Variants in TSBP1 observed in about 807,000 individuals in gnomAD.
TSBP1 encodes testis-expressed basic protein 1.
A neutral mutation model predicts 68.8 loss-of-function variants in TSBP1; 56 were observed. The observed-to-expected ratio is 0.81, with a 90% CI of 0.66 to 1.02. The LOEUF is 1.02. Ranked by LOEUF, TSBP1 falls within the 50% of genes least tolerant of loss-of-function variation. The pLI, the probability that TSBP1 is intolerant of heterozygous loss-of-function variation, is 0.00. For missense variants in TSBP1, 502 were observed against 641.2 expected (o/e 0.78, Z 2.34); for synonymous variants, 171 against 208.7 (o/e 0.82, Z 1.56).
rs1378591894 is a variant in TSBP1 at position 32,338,879 on chromosome 6, T to C, written c.409+100A>G. On this transcript the variant is annotated intron_variant, in intron 11 of 22. Transcript: ENST00000612031. The surrounding 1 kb of genome is among the most constrained non-coding windows in gnomAD (Gnocchi z 5.5). ...CAAGGGGAAAGGAATGGACAATTTG[T>C]GAAAGAAATAAAAAAATCTAGGAAT... 10 of 923,858 alleles carry C rather than the reference T, an allele frequency of 1.1e-5. 1 individual carries two copies. Among genetic ancestry groups the C allele is most frequent in the Non-Finnish European group, 1.6e-5 (9 of 568,198 alleles). The allele number at this position is 923,858 out of a possible 1,614,324, so 57.2% of individuals were successfully genotyped here.
At chr6:32,339,036 C>A (rs377709522) in intron 10 of TSBP1, 37 bp from the exon 12 acceptor site, 1 of 1,584,648 alleles carries the variant, frequency 6.3e-7, no homozygotes, top group African/African-American at 1.3e-5. Context: ...TTGAAGAGAG[C>A]ATGACTCAAG....
chr6:32,340,968 G>T lies in TSBP1; in HGVS notation c.350-1330C>A, dbSNP rs1232623027. Among the ~76,000 whole-genome samples, 12 of 152,018 alleles carry T rather than the reference G, an allele frequency of 7.9e-5. No individual in the cohort carries two copies. The highest frequency in any genetic ancestry group is 1.5e-5 in the Non-Finnish European group (1 of 67,982). ...GTGCCACCACGCCCAGCTAATTTTT[G>T]TATTTTTAGTAGAGATGGGGTTTCG... On this transcript the variant is annotated intron_variant, in intron 9 of 22. Coordinates refer to ENST00000612031, the Ensembl canonical transcript of TSBP1. The surrounding 1 kb of genome is among the most constrained non-coding windows in gnomAD (Gnocchi z 4.8).
At chr6:32,371,837 T>C (rs890971806) in exon 1 of TSBP1, 6 of 946,436 alleles carry the variant, frequency 6.3e-6, no homozygotes, top group Middle Eastern at 2.1e-4. Flanking sequence ...GAGGCCCTTG[T>C]AGGCAGAGAT....
intron 6 of TSBP1, among the ~76,000 whole-genome samples, chr6:32,359,764 GT>G (rs991779051): frequency 6.6e-6 from 1 of 151,980 alleles, no homozygotes; most frequent in African/African-American, 2.4e-5. Flanking sequence ...TTCTTCTAGG[GT>G]TTTTATGGTT....
At chr6:32,342,471 T>C (rs1250724754) in intron 9 of TSBP1, among the ~76,000 whole-genome samples, 1 of 152,178 alleles carries the variant, frequency 6.6e-6, no homozygotes, top group Non-Finnish European at 1.5e-5. Context: ...TGTTCTTTTA[T>C]TTGATTAATT....
chr6:32,364,347 C>T (rs1437658652), intron 6 of TSBP1, among the ~76,000 whole-genome samples: 1 of 151,006 alleles, frequency 6.6e-6, no homozygotes. Flanking sequence ...TCCAATAATG[C>T]AAAAAGTTAG....
rs145719947 is a variant in TSBP1, at chr6:32,314,961, C to A, written c.580+811G>T. On this transcript the variant is annotated intron_variant, in intron 19 of 22. Coordinates refer to ENST00000612031, the Ensembl canonical transcript of TSBP1. The surrounding 1 kb of genome is among the most constrained non-coding windows in gnomAD (Gnocchi z 4.2). ...TTTAACACAGTTCCCAGGAGACTCA[C>A]CTCAACTCGCTCATTTACTGACCTG... Among the ~76,000 whole-genome samples, 7 of 152,302 alleles carry A rather than the reference C, an allele frequency of 4.6e-5. No individual in the cohort carries two copies. Among genetic ancestry groups the A allele is most frequent in the African/African-American group, 1.7e-4 (7 of 41,560 alleles).
At position 32,302,227 on chromosome 6, in the gene TSBP1, G is replaced by A. The variant is rs551654113; in HGVS notation, c.601+382C>T. Reference sequence around the variant, plus strand: ...CAGCACTTTAGGAGGCTAAGGCAAGGGGATCGTTTGAGGCCAGGACTTTGA... The same window carrying A: ...CAGCACTTTAGGAGGCTAAGGCAAGAGGATCGTTTGAGGCCAGGACTTTGA... On this transcript the variant is annotated intron_variant, in intron 20 of 22. Transcript: ENST00000612031. This position sits in a 1 kb window ranked among gnomAD's most constrained non-coding sequence, Gnocchi z 5.1. Among the ~76,000 whole-genome samples the A allele has an allele frequency of 7.2e-5, 11 of 152,076 alleles. No homozygotes were observed. The East Asian group carries it at 2.1e-3, about 29-fold the overall frequency.
rs372499977 is a variant in TSBP1, at chr6:32,321,251, T to G, written c.559+1866A>C. On this transcript the variant is annotated intron_variant, in intron 18 of 22. Coordinates refer to ENST00000612031, the Ensembl canonical transcript of TSBP1. This position sits in a 1 kb window ranked among gnomAD's most constrained non-coding sequence, Gnocchi z 4.3. Reference sequence around the variant, plus strand: ...TTAGCTATCCAAAAAGCAGGTGGTATAATCCCTAGTTACTTTTGCGTGCTT... The same window carrying G: ...TTAGCTATCCAAAAAGCAGGTGGTAGAATCCCTAGTTACTTTTGCGTGCTT... Among the ~76,000 whole-genome samples, 40 of 152,270 alleles carry G rather than the reference T, an allele frequency of 2.6e-4. No individual in the cohort carries two copies. Among genetic ancestry groups the G allele is most frequent in the African/African-American group, 8.4e-4 (35 of 41,566 alleles).
intron 17 of TSBP1, 116 bp downstream of exon 18, chr6:32,323,475 G>T: frequency 1.0e-6 from 1 of 956,030 alleles, no homozygotes; most frequent in South Asian, 1.4e-5. Context: ...TGGAAGCTTT[G>T]AGTCAGGTAG....
At chr6:32,358,656 C>T (rs1429695561) in intron 6 of TSBP1, among the ~76,000 whole-genome samples, 1 of 151,916 alleles carries the variant, frequency 6.6e-6, no homozygotes, top group Non-Finnish European at 1.5e-5. Context: ...TGAGTGAGAA[C>T]ATGAGGTGTT....
rs1033497 is a variant in TSBP1, at chr6:32,340,285, A to G, written c.350-647T>C. On this transcript the variant is annotated intron_variant, in intron 9 of 22. Coordinates refer to ENST00000612031, the Ensembl canonical transcript of TSBP1. The surrounding 1 kb of genome is among the most constrained non-coding windows in gnomAD (Gnocchi z 4.8). Reference sequence around the variant, plus strand: ...AAATTTTGCAATTTTTTTTCTTAAAATAATTGAATAATTTGTTTCCTTCTT... The same window carrying G: ...AAATTTTGCAATTTTTTTTCTTAAAGTAATTGAATAATTTGTTTCCTTCTT... Among the ~76,000 whole-genome samples the G allele has an allele frequency of 0.34, 51,160 of 152,068 alleles. 9,666 individuals carry two copies. Among genetic ancestry groups the G allele is most frequent in the Middle Eastern group, 0.52 (153 of 294 alleles).
rs1047395228 is a variant in TSBP1 at position 32,326,022 on chromosome 6, G to A, written c.515-2408C>T. 15 of 1,532,160 alleles carry A rather than the reference G, an allele frequency of 9.8e-6. No individual in the cohort carries two copies. The African/African-American group carries it at 1.9e-4, about 19-fold the overall frequency. 94.9% of individuals were successfully genotyped at this position (1,532,160 alleles called of 1,614,324 possible). ...ATGATTTTGGCAATTACAACAATCA[G>A]TCTTCAAATTTTGGACCCATGAAGG... On this transcript the variant is annotated intron_variant, in intron 16 of 22. Coordinates refer to ENST00000612031, the Ensembl canonical transcript of TSBP1.
Position 32,314,154 on chromosome 6 carries a change from CCTT to C in TSBP1, c.580+1615_580+1617del, listed in dbSNP as rs1368060399. On this transcript the variant is annotated intron_variant, in intron 19 of 22. Coordinates refer to ENST00000612031, the Ensembl canonical transcript of TSBP1. The surrounding 1 kb of genome is among the most constrained non-coding windows in gnomAD (Gnocchi z 4.2). Reference sequence around the variant, plus strand: ...GCTCCTTGGAAATCACTCTTACCCTCCTTCTTTATGCTTAGGTATGACTGTGCA... The same window carrying C: ...GCTCCTTGGAAATCACTCTTACCCTCCTTTATGCTTAGGTATGACTGTGCA... Among the ~76,000 whole-genome samples, 1 of 152,184 alleles carries C rather than the reference CCTT, an allele frequency of 6.6e-6. No homozygotes were observed. Among genetic ancestry groups the C allele is most frequent in the Non-Finnish European group, 1.5e-5 (1 of 68,032 alleles).
chr6:32,337,905 G>A lies in TSBP1; in HGVS notation c.409+1074C>T, dbSNP rs1381072969. 6.6e-6 allele frequency among the ~76,000 whole-genome samples: 1 copy of A among 152,058 alleles called. No individual in the cohort carries two copies. Among genetic ancestry groups the A allele is most frequent in the Non-Finnish European group, 1.5e-5 (1 of 68,036 alleles). On this transcript the variant is annotated intron_variant, in intron 11 of 22. Transcript: ENST00000612031. The surrounding 1 kb of genome is among the most constrained non-coding windows in gnomAD (Gnocchi z 5.5). ...ACTCCAAGAGGAGTAGACACAGGATGTGATATACCATGAGCTTTAATTATC... is the reference window on the plus strand; with the variant it reads ...ACTCCAAGAGGAGTAGACACAGGATATGATATACCATGAGCTTTAATTATC...
At chr6:32,358,177 A>G (rs1379268648) in intron 6 of TSBP1, among the ~76,000 whole-genome samples, 1 of 152,138 alleles carries the variant, frequency 6.6e-6, no homozygotes, top group Non-Finnish European at 1.5e-5. Flanking sequence ...CTCCCTTCTT[A>G]TAGTGTGTAG....
At chr6:32,368,250 T>C (rs1344914001) in intron 3 of TSBP1, among the ~76,000 whole-genome samples, 1 of 152,222 alleles carries the variant, frequency 6.6e-6, no homozygotes, top group Non-Finnish European at 1.5e-5. Context: ...TTTTGCCTCA[T>C]ACCAATCCTG....
chr6:32,308,611 AAAAAATT>A (rs780848744), intron 19 of TSBP1, among the ~76,000 whole-genome samples: 1 of 147,350 alleles, frequency 6.8e-6, no homozygotes, highest in Non-Finnish European at 1.5e-5. Context: ...AAAAAAAAAA[AAAAAATT>A]TTGCTTTTTA....
chr6:32,335,640 C>G lies in TSBP1; in HGVS notation c.452-183G>C, dbSNP rs1484687430. Reference sequence around the variant, plus strand: ...TATGGCAAACTAGTACATATAAGGGCCTCCTCATCTAAAAATCCCTTGTGT... The same window carrying G: ...TATGGCAAACTAGTACATATAAGGGGCTCCTCATCTAAAAATCCCTTGTGT... On this transcript the variant is annotated intron_variant, in intron 13 of 22. Coordinates refer to ENST00000612031, the Ensembl canonical transcript of TSBP1. This position sits in a 1 kb window ranked among gnomAD's most constrained non-coding sequence, Gnocchi z 5.5. 6.6e-6 allele frequency among the ~76,000 whole-genome samples: 1 copy of G among 152,120 alleles called. No individual in the cohort carries two copies. The highest frequency in any genetic ancestry group is 1.5e-5 in the Non-Finnish European group (1 of 68,018).
Sources: gnomAD v4.1 joint callset for allele counts (sites outside exome capture counted in the v4.1 genomes callset) on GRCh38, gnomAD v4.1.1 for gene constraint, Gnocchi (gnomAD v3.1) non-coding constraint, MANE v1.5 for transcripts, NCBI Gene and HGNC (gene_info 2026-07-23, HGNC 2026-07-21) for gene names.